TCP11L2: variants seen among roughly 807,000 people sequenced by gnomAD.
TCP11L2 encodes t-complex 11 like 2.
TCP11L2 carries 39 observed loss-of-function variants against 50.7 expected under a neutral mutation model. The ratio of observed to expected loss-of-function variants is 0.77; its 90% confidence interval spans 0.60 to 1.01. TCP11L2 has a LOEUF of 1.01. Ranked by LOEUF, TCP11L2 falls within the 50% of genes least tolerant of loss-of-function variation. The pLI is 0.00. For missense variants in TCP11L2, 612 were observed against 614.7 expected, an observed-to-expected ratio of 1.00 and a Z score of 0.05; for synonymous variants, 192 against 219.3, an observed-to-expected ratio of 0.88 and a Z score of 1.10.
At chr12:106,312,303 A>C in intron 2 of TCP11L2, 1 of 543,630 alleles carries the variant, frequency 1.8e-6, no homozygotes, top group Non-Finnish European at 3.0e-6. Flanking sequence ...TGCTTTATGA[A>C]CATCTTACTG....
In TCP11L2 at chr12:106,340,714, A is replaced by G. The variant is rs941714147; in HGVS notation, c.1143-112A>G. The G allele has an allele frequency of 9.6e-6, 8 of 833,116 alleles. No homozygotes were observed. The African/African-American group carries it at 1.4e-4, about 15-fold the overall frequency. The allele number at this position is 833,116 out of a possible 1,614,324, so 51.6% of individuals were successfully genotyped here. Reference sequence around the variant, plus strand: ...TGAGTTCATTCTAATAGAGGTTATTATTGTCTGTATAAGAGAAATTTGGTA... The same window carrying G: ...TGAGTTCATTCTAATAGAGGTTATTGTTGTCTGTATAAGAGAAATTTGGTA... On this transcript the variant is annotated intron_variant, in intron 8 of 9. Coordinates refer to ENST00000299045, the MANE Select transcript of TCP11L2 (RefSeq NM_152772.3).
chr12:106,330,892 A>G lies in TCP11L2; in HGVS notation c.773-4747A>G, dbSNP rs563353429. ...CAAGGGAACTCTGCTAATAATAACT[A>G]TTAGGCACCTAGTAACCTATATTGT... On this transcript the variant is annotated intron_variant, in intron 6 of 9. Coordinates refer to ENST00000299045, the MANE Select transcript of TCP11L2 (RefSeq NM_152772.3). 4.6e-5 allele frequency among the ~76,000 whole-genome samples: 7 copies of G among 152,294 alleles called. No individual in the cohort carries two copies. The South Asian group carries it at 1.2e-3, about 27-fold the overall frequency.
At chr12:106,308,956 A>G (rs2034740223) in intron 1 of TCP11L2, among the ~76,000 whole-genome samples, 1 of 152,216 alleles carries the variant, frequency 6.6e-6, no homozygotes, top group Non-Finnish European at 1.5e-5. Context: ...CCATGGGAAG[A>G]AAGGAACAAG....
chr12:106,318,551 A>G, intron 4 of TCP11L2, 87 bp downstream of exon 4: 1 of 1,531,666 alleles, frequency 6.5e-7, no homozygotes, highest in South Asian at 1.2e-5. Context: ...TGGCTTATAA[A>G]CAATAGAAAT....
intron 9 of TCP11L2, 27 bp downstream of exon 9, chr12:106,341,025 CA>C: frequency 6.3e-7 from 1 of 1,575,532 alleles, no homozygotes; most frequent in Non-Finnish European, 8.6e-7. Context: ...ATTTCTGCTT[CA>C]ATTCCAATTT....
At chr12:106,337,367 A>C (rs1294164647) in intron 8 of TCP11L2, among the ~76,000 whole-genome samples, 1 of 152,216 alleles carries the variant, frequency 6.6e-6, no homozygotes, top group African/African-American at 2.4e-5. Flanking sequence ...GGCTGCAAAC[A>C]GAAAAGGGCA....
chr12:106,346,630 T>C lies in TCP11L2; in HGVS notation c.*100T>C. 6.9e-7 allele frequency: 1 copy of C among 1,458,370 alleles called. No individual in the cohort carries two copies. Among genetic ancestry groups the C allele is most frequent in the Non-Finnish European group, 9.2e-7 (1 of 1,092,638 alleles). 90.3% of individuals were successfully genotyped at this position (1,458,370 alleles called of 1,614,324 possible). On this transcript the variant is annotated 3_prime_UTR_variant, in exon 10 of 10. Transcript: ENST00000299045. ...GAGATCCAGCACATTCTCAGTACTG[T>C]GGTGCAGTATTAGCCCAAATCTGTG...
rs77806322 is a variant in TCP11L2, at chr12:106,321,693, G to T, written c.622G>T (p.Val208Leu). 3.1e-6 allele frequency: 5 copies of T among 1,613,964 alleles called. No individual in the cohort carries two copies. The Admixed American group carries it at 6.7e-5, about 22-fold the overall frequency. Residue 208 changes from valine (V) to leucine (L), a missense_variant, in exon 5 of 10, where the codon GTG becomes TTG. Coordinates refer to ENST00000299045, the MANE Select transcript of TCP11L2 (RefSeq NM_152772.3). Reference sequence around the variant, plus strand: ...AGAGTTAAAGGCTACTGGCAACATCGTGGAGGTGCTGAGGTTAGCACTTTT... The same window carrying T: ...AGAGTTAAAGGCTACTGGCAACATCTTGGAGGTGCTGAGGTTAGCACTTTT... ...IRELKATGNIVEVLRQIFHVL... is the reference protein window; with the variant it reads ...IRELKATGNILEVLRQIFHVL...
chr12:106,318,311 TA>T (rs1216094093), intron 3 of TCP11L2, 32 bp from the exon 4 acceptor site: 3 of 1,603,790 alleles, frequency 1.9e-6, no homozygotes, highest in Non-Finnish European at 2.6e-6. Flanking sequence ...AAGTTATGCT[TA>T]TTTTAAAAAA....
At chr12:106,336,710 G>A (rs1039346347) in intron 8 of TCP11L2, among the ~76,000 whole-genome samples, 69 of 151,954 alleles carry the variant, frequency 4.5e-4, no homozygotes, top group African/African-American at 1.6e-3. Context: ...GCGCCGCCAC[G>A]CCCAGCTAAT....
At chr12:106,323,431 G>T (rs2035413582) in intron 5 of TCP11L2, 79 bp from the exon 6 acceptor site, 1 of 1,315,334 alleles carries the variant, frequency 7.6e-7, no homozygotes, top group Non-Finnish European at 1.0e-6. Context: ...ATTGTTTTCA[G>T]CCTGGAACAT....
chr12:106,330,540 CA>C (rs2035711202), intron 6 of TCP11L2, among the ~76,000 whole-genome samples: 1 of 152,008 alleles, frequency 6.6e-6, no homozygotes, highest in African/African-American at 2.4e-5. Context: ...TTATCCAGTC[CA>C]AAATGTCAAT....
chr12:106,321,919 G>A (rs2035354077), intron 5 of TCP11L2, among the ~76,000 whole-genome samples: 3 of 152,190 alleles, frequency 2.0e-5, no homozygotes. Flanking sequence ...TTGGCACATA[G>A]TGGGCCCTGA....
chr12:106,346,155 G>T (rs960785298), intron 9 of TCP11L2, 131 bp from the exon 10 acceptor site: 5 of 914,934 alleles, frequency 5.5e-6, no homozygotes, highest in Non-Finnish European at 4.8e-6. Flanking sequence ...CTTGGAAAGG[G>T]GATGGGTGCA....
rs1457757968 is a variant in TCP11L2 at position 106,334,993 on chromosome 12, C to T, written c.773-646C>T. The stretch of plus-strand genomic sequence containing the variant: ...ATTATTCAAAACTCCCCATTCCCAT[C>T]GCTGGTGTTTGTAACCTGGGGACTG... On this transcript the variant is annotated intron_variant, in intron 6 of 9. Coordinates refer to ENST00000299045, the MANE Select transcript of TCP11L2 (RefSeq NM_152772.3). 2.6e-5 allele frequency among the ~76,000 whole-genome samples: 4 copies of T among 151,992 alleles called. No individual in the cohort carries two copies. In the East Asian group the frequency reaches 5.8e-4, roughly 22 times the overall value.
intron 2 of TCP11L2, 139 bp from the exon 3 acceptor site, chr12:106,314,219 A>T (rs1278229841): frequency 7.9e-6 from 6 of 761,670 alleles, no homozygotes; most frequent in Non-Finnish European, 1.2e-5. Context: ...GAATTCACCT[A>T]TTTTAATATA....
chr12:106,329,936 G>A (rs954618281), intron 6 of TCP11L2: 1 of 985,864 alleles, frequency 1.0e-6, no homozygotes, highest in Non-Finnish European at 1.2e-6. Flanking sequence ...GCTTTAGTGT[G>A]GCAAACAGAA....
At position 106,335,779 on chromosome 12, in the gene TCP11L2, T is replaced by C. The variant is rs1183858886; in HGVS notation, c.913T>C (p.Tyr305His). The C allele has an allele frequency of 6.2e-7, 1 of 1,614,110 alleles. No homozygotes were observed. Among genetic ancestry groups the C allele is most frequent in the African/African-American group, 1.3e-5 (1 of 74,946 alleles). ...LSPTLVLNNS[Y>H]LKLLQWDYQK... ...CCCTACTTTGGTGCTAAATAATAGT[T>C]ACTTGAAACTGTTACAGTGGGATTA... is the stretch of plus-strand genomic sequence containing the variant. Residue 305 changes from tyrosine to histidine, a missense_variant, in exon 7 of 10, where the codon TAC (tyrosine) becomes CAC (histidine). Transcript: ENST00000299045.
At chr12:106,306,057 G>T (rs2034619723) in intron 1 of TCP11L2, among the ~76,000 whole-genome samples, 1 of 152,080 alleles carries the variant, frequency 6.6e-6, no homozygotes, top group South Asian at 2.1e-4. Context: ...TATTCTTTAG[G>T]CACTGTTCAA....
Sources: gnomAD v4.1 joint callset for allele counts (sites outside exome capture counted in the v4.1 genomes callset) on GRCh38, gnomAD v4.1.1 for gene constraint, MANE v1.5 for transcripts, NCBI Gene and HGNC (gene_info 2026-07-23, HGNC 2026-07-21) for gene names.